LMF1: variants seen among roughly 807,000 people sequenced by gnomAD.
The protein encoded by LMF1 is transmembrane protein 112.
A neutral mutation model predicts 60.6 loss-of-function variants in LMF1; 68 were observed. That is an observed-to-expected ratio of 1.12 (90% CI 0.92 to 1.37). LMF1 has a LOEUF of 1.37. Ranked by LOEUF, LMF1 falls within the 40% of genes most tolerant of loss-of-function variation. LMF1 has a pLI of 0.00. For synonymous variants in LMF1, 418 were observed against 324.7 expected, an observed-to-expected ratio of 1.29 and a Z score of -3.09; for missense variants, 948 against 767.2, an observed-to-expected ratio of 1.24 and a Z score of -2.78.
chr16:937,877 A>G (rs9746775), intron 2 of LMF1, among the ~76,000 whole-genome samples: 69,822 of 151,824 alleles, frequency 0.46, 17,273 homozygotes, highest in African/African-American at 0.64. Context: ...ATCATGAACC[A>G]TGTCCTCCTG....
intron 5 of LMF1, among the ~76,000 whole-genome samples, chr16:890,290 C>G (rs35954112): frequency 0.35 from 53,895 of 152,178 alleles, 10,138 homozygotes; most frequent in African/African-American, 0.45. Context: ...CCAAGGGGCC[C>G]CCGGGAAGCA....
chr16:968,456 G>C (rs1395844988), intron 1 of LMF1: 1 of 152,180 alleles, frequency 6.6e-6, no homozygotes, highest in East Asian at 1.9e-4. Flanking sequence ...AATATTTGGA[G>C]AGCCCCTATG....
At chr16:886,382 G>A (rs1177759806) in intron 5 of LMF1, among the ~76,000 whole-genome samples, 1 of 152,124 alleles carries the variant, frequency 6.6e-6, no homozygotes, top group Non-Finnish European at 1.5e-5. Context: ...GGAAATCCAG[G>A]CCCACGGAAG....
chr16:980,101 G>A (rs2073302981), intron 1 of LMF1: 1 of 286,302 alleles, frequency 3.5e-6, no homozygotes, highest in Non-Finnish European at 6.9e-6. Flanking sequence ...CGCGCACTCC[G>A]TCTCCCCACC....
intron 3 of LMF1, among the ~76,000 whole-genome samples, chr16:916,152 C>T (rs570130350): frequency 6.6e-6 from 1 of 152,304 alleles, no homozygotes; most frequent in South Asian, 2.1e-4. Flanking sequence ...GCAATGGCCA[C>T]TGTAGGAGAG....
intron 3 of LMF1, 48 bp downstream of exon 3, chr16:934,196 C>T: frequency 1.3e-6 from 2 of 1,599,264 alleles, no homozygotes; most frequent in African/African-American, 1.3e-5. Context: ...ATACCAAACA[C>T]ACAACGCTCA....
intron 1 of LMF1, among the ~76,000 whole-genome samples, chr16:954,971 T>TCTAAGCGAACCAGACACGTTACACAC (rs2072641607): frequency 1.2e-5 from 1 of 84,062 alleles, no homozygotes; most frequent in African/African-American, 6.2e-5. Flanking sequence ...CACACACACA[T>TCTAAGCGAACCAGACACGTTACACAC]ATCTAAGTGA....
intron 3 of LMF1, among the ~76,000 whole-genome samples, chr16:917,638 G>C (rs1476518258): frequency 6.6e-6 from 1 of 152,232 alleles, no homozygotes; most frequent in Non-Finnish European, 1.5e-5. Context: ...GAGATGACCA[G>C]GCAGGGCTGC....
chr16:896,893 C>G (rs917069901), intron 4 of LMF1, among the ~76,000 whole-genome samples: 1 of 152,152 alleles, frequency 6.6e-6, no homozygotes, highest in African/African-American at 2.4e-5. Context: ...ATTGATTTCT[C>G]TCTACATTGC....
At chr16:868,849 G>C (rs1157706922) in intron 10 of LMF1, 95 bp downstream of exon 10, 1 of 809,722 alleles carries the variant, frequency 1.2e-6, no homozygotes, top group Admixed American at 1.8e-5. Flanking sequence ...GGCGCTTCCC[G>C]TGAGCAGGTG....
At position 902,970 on chromosome 16, in the gene LMF1, G is replaced by A. The variant is rs1207978124; in HGVS notation, c.663+7961C>T. 5.5e-5 allele frequency among the ~76,000 whole-genome samples: 4 copies of A among 72,078 alleles called. No individual in the cohort carries two copies. The East Asian group carries it at 1.2e-3, about 22-fold the overall frequency. 47.3% of individuals were successfully genotyped at this position (72,078 alleles called of 152,430 possible). ...TGACCTCTGCACTGCCCGTGGGGAC[G>A]CCTGTCTCTGCTGCGTGGTGGTGAC... On this transcript the variant is annotated intron_variant, in intron 4 of 10. Transcript: ENST00000262301.
intron 10 of LMF1, among the ~76,000 whole-genome samples, chr16:860,722 G>C (rs552182345): frequency 6.6e-6 from 1 of 152,080 alleles, no homozygotes; most frequent in African/African-American, 2.4e-5. Context: ...GACGTGGGTC[G>C]AAGATTTTGT....
At chr16:893,413 C>T (rs1023616493) in intron 4 of LMF1, 126 of 468,848 alleles carry the variant, frequency 2.7e-4, no homozygotes, top group Non-Finnish European at 4.2e-4. Context: ...CCACGCCCTG[C>T]ACAGACCCCA....
At chr16:944,219 A>C (rs1337618926) in intron 2 of LMF1, among the ~76,000 whole-genome samples, 1 of 150,132 alleles carries the variant, frequency 6.7e-6, no homozygotes, top group African/African-American at 2.5e-5. Flanking sequence ...CCTCAGACTC[A>C]CCACTAAGGT....
intron 2 of LMF1, chr16:947,433 C>T (rs1162315588): frequency 2.2e-6 from 1 of 455,024 alleles, no homozygotes; most frequent in South Asian, 1.6e-5. Context: ...TGCTGTTCAT[C>T]GTCAGTGAGA....
intron 1 of LMF1, among the ~76,000 whole-genome samples, chr16:956,635 G>A (rs546460967): frequency 2.4e-4 from 37 of 152,140 alleles, no homozygotes; most frequent in African/African-American, 8.7e-4. Context: ...CCTGAGATCA[G>A]GAGTTTGAGA....
intron 4 of LMF1, among the ~76,000 whole-genome samples, chr16:894,183 T>C (rs1173217375): frequency 0.18 from 182 of 996 alleles, 7 homozygotes; most frequent in African/African-American, 0.36. Context: ...CCCTGTCCAC[T>C]GGACTGTCCG....
At chr16:935,599 A>G (rs1469361932) in intron 2 of LMF1, among the ~76,000 whole-genome samples, 1 of 150,956 alleles carries the variant, frequency 6.6e-6, no homozygotes, top group Non-Finnish European at 1.5e-5. Flanking sequence ...TAATGTTTTA[A>G]GAAAGTTTAT....
At position 864,792 on chromosome 16, in the gene LMF1, T is replaced by C. The variant is rs904196131; in HGVS notation, c.1529+4152A>G. The stretch of plus-strand genomic sequence containing the variant: ...GGCATGCACCACCATGCCTGGCTAA[T>C]TGTTGTATTTTTAGTAAAGAGGGTT... On this transcript the variant is annotated intron_variant, in intron 10 of 10. Transcript: ENST00000262301. Among the ~76,000 whole-genome samples, 4 of 151,860 alleles carry C rather than the reference T, an allele frequency of 2.6e-5. No homozygotes were observed. The East Asian group carries it at 7.7e-4, about 29-fold the overall frequency.
Sources: gnomAD v4.1 joint callset for allele counts (sites outside exome capture counted in the v4.1 genomes callset) on GRCh38, gnomAD v4.1.1 for gene constraint, MANE v1.5 for transcripts, NCBI Gene and HGNC (gene_info 2026-07-23, HGNC 2026-07-21) for gene names.